The following KLRG1 variants were observed in gnomAD, a reference collection of about 807,000 sequenced individuals.
KLRG1 encodes killer cell lectin-like receptor subfamily G member 1.
In KLRG1, 16 loss-of-function variants were observed where a neutral mutation model predicts 21.8. That is an observed-to-expected ratio of 0.73 (90% CI 0.50 to 1.11). The LOEUF is 1.11. KLRG1 is among the 50% of genes most tolerant of loss of function. The pLI is 0.00. For synonymous variants in KLRG1, 69 were observed against 75.9 expected (o/e 0.91, Z 0.47); for missense variants, 173 against 218.3 (o/e 0.79, Z 1.31).
chr12:8,992,131 T>C (rs1946989343), intron 1 of KLRG1, 75 bp from the exon 2 acceptor site: 3 of 1,269,824 alleles, frequency 2.4e-6, no homozygotes, highest in African/African-American at 1.5e-5. Context: ...TAAGATGCGA[T>C]ATCCTTCCCT....
the KLRG1 span, chr12:9,112,830 A>T: frequency 2.7e-6 from 1 of 377,278 alleles, no homozygotes; most frequent in African/African-American, 2.0e-5. Flanking sequence ...TACCAGGCTG[A>T]TATTACATGC....
At chr12:9,157,450 T>C in the KLRG1 span, 1 of 1,213,164 alleles carries the variant, frequency 8.2e-7, no homozygotes, top group Non-Finnish European at 1.2e-6. Context: ...TATTAATAGA[T>C]TTCAGACAGA....
the KLRG1 span, among the ~76,000 whole-genome samples, chr12:9,025,241 G>A: frequency 6.6e-6 from 1 of 152,176 alleles, no homozygotes; most frequent in East Asian, 1.9e-4. Flanking sequence ...TCTAAGTAGA[G>A]TCATATGTCG....
chr12:9,120,852 C>CATGTGTGTGTGTGTGT, the KLRG1 span, among the ~76,000 whole-genome samples: 969 of 143,462 alleles, frequency 6.8e-3, 17 homozygotes, highest in African/African-American at 0.022. Context: ...ATCCCACTAA[C>CATGTGTGTGTGTGTGT]GTGTGTGTGT....
At chr12:9,063,929 C>CT in the KLRG1 span, among the ~76,000 whole-genome samples, 2 of 152,112 alleles carry the variant, frequency 1.3e-5, no homozygotes, top group African/African-American at 4.8e-5. Flanking sequence ...CTTAAAGTAC[C>CT]TTTTCAGTAA....
upstream of KLRG1, among the ~76,000 whole-genome samples, chr12:8,986,833 A>G (rs1946849253): frequency 6.6e-6 from 1 of 152,062 alleles, no homozygotes. Context: ...ATGGTTTAGT[A>G]CCATACCCCT....
chr12:9,192,485 A>G, the KLRG1 span: 1 of 1,587,966 alleles, frequency 6.3e-7, no homozygotes, highest in Non-Finnish European at 8.6e-7. Context: ...GATAAGCTGC[A>G]ATTGTATTCC....
chr12:8,961,618 A>G (rs1339494790), intron 1 of KLRG1, among the ~76,000 whole-genome samples: 5 of 150,932 alleles, frequency 3.3e-5, no homozygotes, highest in South Asian at 4.2e-4. Context: ...ACAGAGTTTC[A>G]CCATGTTGGC....
intron 3 of KLRG1, among the ~76,000 whole-genome samples, chr12:8,997,354 A>G (rs1394013450): frequency 6.6e-6 from 1 of 152,076 alleles, no homozygotes; most frequent in African/African-American, 2.4e-5. Context: ...ATTCTGTAGA[A>G]CCAAATTGAT....
At chr12:9,018,763 T>G in the KLRG1 span, among the ~76,000 whole-genome samples, 1 of 150,914 alleles carries the variant, frequency 6.6e-6, no homozygotes, top group African/African-American at 2.4e-5. Context: ...TCTCTCTTGA[T>G]ATACAAAAAT....
At chr12:9,160,776 G>T in the KLRG1 span, among the ~76,000 whole-genome samples, 1 of 152,020 alleles carries the variant, frequency 6.6e-6, no homozygotes, top group South Asian at 2.1e-4. Flanking sequence ...TTAGCCGGGC[G>T]TGGTGGCGGG....
the KLRG1 span, among the ~76,000 whole-genome samples, chr12:9,172,111 A>G: frequency 1.3e-5 from 2 of 152,228 alleles, no homozygotes; most frequent in African/African-American, 2.4e-5. Context: ...AGTCACCTAC[A>G]AAAGGAAACA....
At chr12:9,061,435 G>T in the KLRG1 span, among the ~76,000 whole-genome samples, 19 of 151,958 alleles carry the variant, frequency 1.3e-4, no homozygotes, top group Admixed American at 1.2e-3. Context: ...ATTGTGCCTG[G>T]CCAAAAAATA....
the KLRG1 span, among the ~76,000 whole-genome samples, chr12:9,021,648 A>C: frequency 5.3e-5 from 8 of 151,990 alleles, no homozygotes; most frequent in Middle Eastern, 3.4e-3. Flanking sequence ...ATTTTTCTTT[A>C]TATCCTTATT....
chr12:9,005,994 C>T (rs1947460990), intron 3 of KLRG1, among the ~76,000 whole-genome samples: 1 of 152,220 alleles, frequency 6.6e-6, no homozygotes, highest in African/African-American at 2.4e-5. Flanking sequence ...CTTGCATGGC[C>T]TGAGGGTTGG....
chr12:8,954,737 C>G (rs1445150843), intron 1 of KLRG1, among the ~76,000 whole-genome samples: 1 of 151,880 alleles, frequency 6.6e-6, no homozygotes, highest in Non-Finnish European at 1.5e-5. Flanking sequence ...GAACCAAGTT[C>G]CCATTATATT....
At chr12:9,025,090 T>C in the KLRG1 span, among the ~76,000 whole-genome samples, 1 of 152,120 alleles carries the variant, frequency 6.6e-6, no homozygotes, top group Non-Finnish European at 1.5e-5. Context: ...AATGGCAATA[T>C]GAAGGTCATG....
rs2137454411 is a variant in KLRG1 at position 9,010,044 on chromosome 12, G to A, written c.*507G>A. 1 of 1,530,230 alleles carries A rather than the reference G, an allele frequency of 6.5e-7. No individual in the cohort carries two copies. 94.8% of individuals were successfully genotyped at this position (1,530,230 alleles called of 1,614,324 possible). A position where few individuals can be genotyped will look rare whatever the true frequency, so the allele number is the denominator to read the frequency against. ...TTTATTCTGAAGAATAAACCTAGCTGGCATGCTGGTGTGTACCTGTAGTCC... is the reference window on the plus strand; with the variant it reads ...TTTATTCTGAAGAATAAACCTAGCTAGCATGCTGGTGTGTACCTGTAGTCC... On this transcript the variant is annotated 3_prime_UTR_variant, in exon 5 of 5. Coordinates refer to ENST00000356986, the MANE Select transcript of KLRG1 (RefSeq NM_005810.4).
At chr12:9,201,153 C>A in the KLRG1 span, 2 of 1,489,710 alleles carry the variant, frequency 1.3e-6, no homozygotes, top group Non-Finnish European at 9.2e-7. Flanking sequence ...TTAGCATTGC[C>A]TCTGGAAAGA....
Sources: allele counts gnomAD v4.1 joint callset (sites outside exome capture counted in the v4.1 genomes callset), GRCh38; gene constraint gnomAD v4.1.1; transcripts MANE v1.5; gene names NCBI Gene and HGNC (gene_info 2026-07-23, HGNC 2026-07-21).